Variants in TWSG1 observed in about 807,000 individuals in gnomAD.
TWSG1 encodes twisted gastrulation protein homolog 1.
TWSG1 carries 15 observed loss-of-function variants against 23.0 expected under a neutral mutation model. The ratio of observed to expected loss-of-function variants is 0.65; its 90% CI spans 0.44 to 1.00. TWSG1 has a LOEUF of 1.00. TWSG1 is among the 50% of genes least tolerant of loss of function. The probability of loss-of-function intolerance (pLI) is 0.00; values close to 1 mark genes in which losing one functional copy is unlikely to be tolerated. For missense variants in TWSG1, 242 were observed against 278.7 expected (o/e 0.87, Z 0.94); for synonymous variants, 86 against 92.8 (o/e 0.93, Z 0.42).
intron 3 of TWSG1, among the ~76,000 whole-genome samples, chr18:9,381,763 A>G (rs1354842693): frequency 1.3e-5 from 2 of 152,196 alleles, no homozygotes; most frequent in Non-Finnish European, 2.9e-5. Flanking sequence ...TCATACAACT[A>G]GTAAAGAGGT....
At chr18:9,358,152 A>T (rs905816767) in intron 2 of TWSG1, among the ~76,000 whole-genome samples, 9 of 152,118 alleles carry the variant, frequency 5.9e-5, no homozygotes, top group African/African-American at 9.7e-5. Flanking sequence ...GAACTAGAGC[A>T]TTATTAGGAA....
Position 9,401,864 on chromosome 18 carries a change from ATTAC to A in TWSG1, c.*2340_*2343del, listed in dbSNP as rs2040764180. The A allele has an allele frequency of 6.6e-6, 1 of 152,086 alleles. No individual in the cohort carries two copies. Among genetic ancestry groups the A allele is most frequent in the Non-Finnish European group, 1.5e-5 (1 of 67,984 alleles). The allele number at this position is 152,086 out of a possible 1,614,324, so 9.4% of individuals were successfully genotyped here. Reference sequence around the variant, plus strand: ...TTCTTTTTTAATAAAAAATTAGGTTATTACTTTTTTTATAACCAGATTTTTAAAG... The same window carrying A: ...TTCTTTTTTAATAAAAAATTAGGTTATTTTTTTATAACCAGATTTTTAAAG... On this transcript the variant is annotated 3_prime_UTR_variant, in exon 5 of 5. Transcript: ENST00000262120.
At chr18:9,390,090 A>T (rs916407094) in intron 3 of TWSG1, among the ~76,000 whole-genome samples, 1 of 152,218 alleles carries the variant, frequency 6.6e-6, no homozygotes, top group Non-Finnish European at 1.5e-5. Context: ...GCTCTTGCCT[A>T]GATCTTGATG....
chr18:9,365,733 G>T (rs889641255), intron 3 of TWSG1, among the ~76,000 whole-genome samples: 1 of 152,092 alleles, frequency 6.6e-6, no homozygotes, highest in Non-Finnish European at 1.5e-5. Context: ...AGGCCCAGAG[G>T]CTCACACCTG....
At chr18:9,366,598 ACT>A (rs1455740581) in intron 3 of TWSG1, among the ~76,000 whole-genome samples, 1 of 151,858 alleles carries the variant, frequency 6.6e-6, no homozygotes, top group Non-Finnish European at 1.5e-5. Context: ...TTTCGTTATG[ACT>A]CTCTCTTGTA....
At chr18:9,344,597 C>T (rs564786692) in intron 2 of TWSG1, among the ~76,000 whole-genome samples, 11 of 145,532 alleles carry the variant, frequency 7.6e-5, no homozygotes, top group East Asian at 2.1e-4. Flanking sequence ...GGTGCAATCA[C>T]GGCTAACAGC....
intron 3 of TWSG1, among the ~76,000 whole-genome samples, chr18:9,363,799 G>C (rs748954487): frequency 2.2e-4 from 32 of 147,518 alleles, no homozygotes; most frequent in Non-Finnish European, 4.0e-4. Flanking sequence ...ATACTTTTTT[G>C]TATTTTTTTG....
rs1045540893 is a variant in TWSG1, at chr18:9,341,812, T to C, written c.123+4460T>C. Among the ~76,000 whole-genome samples, 3 of 143,964 alleles carry C rather than the reference T, an allele frequency of 2.1e-5. No homozygotes were observed. The East Asian group carries it at 5.8e-4, about 28-fold the overall frequency. The allele number at this position is 143,964 out of a possible 152,430, so 94.4% of individuals were successfully genotyped here. On this transcript the variant is annotated intron_variant, in intron 2 of 4. Transcript: ENST00000262120. ...TTTAAAGTTTATTTTATTTTATTAT[T>C]TTTTTTTTTTAGCAATGAGACAGAC...
At chr18:9,391,949 C>T (rs1054074714) in intron 3 of TWSG1, among the ~76,000 whole-genome samples, 18 of 152,202 alleles carry the variant, frequency 1.2e-4, no homozygotes, top group South Asian at 2.1e-4. Flanking sequence ...CAACAGTAGA[C>T]TTAAAATATT....
At position 9,372,134 on chromosome 18, in the gene TWSG1, TATGTGTGCTA is replaced by T. The variant is rs1442303924; in HGVS notation, c.223+12064_223+12073del. Among the ~76,000 whole-genome samples, 3 of 138,432 alleles carry T rather than the reference TATGTGTGCTA, an allele frequency of 2.2e-5. No individual in the cohort carries two copies. In the East Asian group the frequency reaches 6.2e-4, roughly 28 times the overall value. The allele number at this position is 138,432 out of a possible 152,430, so 90.8% of individuals were successfully genotyped here. On this transcript the variant is annotated intron_variant, in intron 3 of 4. Coordinates refer to ENST00000262120, the MANE Select transcript of TWSG1 (RefSeq NM_020648.6). ...AAATAATAGCAACAATGTATTTAAT[TATGTGTGCTA>T]TGTATGTATATATATTATATATTTG...
chr18:9,342,028 T>C (rs1387846456), intron 2 of TWSG1, among the ~76,000 whole-genome samples: 2 of 152,180 alleles, frequency 1.3e-5, no homozygotes, highest in African/African-American at 4.8e-5. Context: ...GATGGGCTAC[T>C]TTTGGAATTC....
intron 3 of TWSG1, among the ~76,000 whole-genome samples, chr18:9,385,381 A>G (rs2040677190): frequency 6.6e-6 from 1 of 152,100 alleles, no homozygotes; most frequent in Non-Finnish European, 1.5e-5. Flanking sequence ...GAAAAATAGA[A>G]TAAGTGTAGC....
intron 2 of TWSG1, among the ~76,000 whole-genome samples, chr18:9,339,204 CA>C (rs72257920): frequency 0.39 from 54,875 of 141,668 alleles, 11,034 homozygotes; most frequent in African/African-American, 0.58. Flanking sequence ...GACCCTGTCT[CA>C]AAAAAAAAAA....
chr18:9,357,180 C>T (rs2040530891), intron 2 of TWSG1, among the ~76,000 whole-genome samples: 1 of 152,156 alleles, frequency 6.6e-6, no homozygotes, highest in African/African-American at 2.4e-5. Flanking sequence ...AAGTCTCTGC[C>T]CTTTCAGTCC....
intron 1 of TWSG1, among the ~76,000 whole-genome samples, chr18:9,335,988 T>C (rs1286097057): frequency 6.6e-6 from 1 of 152,208 alleles, no homozygotes; most frequent in Non-Finnish European, 1.5e-5. Flanking sequence ...AATAACTGTA[T>C]ACTGTTTGGC....
At chr18:9,369,266 G>A (rs1187573120) in intron 3 of TWSG1, among the ~76,000 whole-genome samples, 1 of 151,834 alleles carries the variant, frequency 6.6e-6, no homozygotes, top group Non-Finnish European at 1.5e-5. Context: ...TGTCTATTCT[G>A]ATCCTTTGCC....
intron 2 of TWSG1, among the ~76,000 whole-genome samples, chr18:9,344,531 A>ATGTATTT (rs756535502): frequency 4.8e-4 from 49 of 102,090 alleles, no homozygotes; most frequent in African/African-American, 1.7e-3. Context: ...GTATGTATGT[A>ATGTATTT]TTTTTTTTTT....
At chr18:9,350,332 A>G (rs114596568) in intron 2 of TWSG1, among the ~76,000 whole-genome samples, 1,966 of 152,300 alleles carry the variant, frequency 0.013, 48 homozygotes, top group African/African-American at 0.045. Flanking sequence ...TGGAGATTAA[A>G]ATTTATTTTC....
intron 3 of TWSG1, among the ~76,000 whole-genome samples, chr18:9,394,746 C>T (rs565472715): frequency 1.3e-5 from 2 of 152,228 alleles, no homozygotes; most frequent in African/African-American, 4.8e-5. Context: ...CCCTTCCTCT[C>T]CCTACAGACA....
Sources: allele counts gnomAD v4.1 joint callset (sites outside exome capture counted in the v4.1 genomes callset), GRCh38; gene constraint gnomAD v4.1.1; transcripts MANE v1.5; gene names NCBI Gene and HGNC (gene_info 2026-07-23, HGNC 2026-07-21).